CACNB4: variants seen among roughly 807,000 people sequenced by gnomAD.
CACNB4 encodes the protein voltage-dependent L-type calcium channel subunit beta-4.
Under a neutral mutation model 71.2 loss-of-function variants are expected in CACNB4, and 32 were observed. That is an observed-to-expected ratio of 0.45 (90% CI 0.34 to 0.60). The LOEUF (loss-of-function observed/expected upper bound fraction) is 0.60, where lower values mean the gene tolerates loss of function less well. CACNB4 is among the 20% of genes least tolerant of loss of function. The pLI is 0.01. For synonymous variants in CACNB4, 231 were observed against 236.9 expected (o/e 0.97, Z 0.23); for missense variants, 464 against 647.9 (o/e 0.72, Z 3.08).
At chr2:151,845,994 A>G (rs1039217365) in intron 12 of CACNB4, among the ~76,000 whole-genome samples, 1 of 152,264 alleles carries the variant, frequency 6.6e-6, no homozygotes, top group East Asian at 1.9e-4. Flanking sequence ...GAAAGCTAAA[A>G]TGGCAGAGAA....
chr2:151,884,541 A>G (rs2099848839), intron 2 of CACNB4, among the ~76,000 whole-genome samples: 1 of 147,418 alleles, frequency 6.8e-6, no homozygotes, highest in Non-Finnish European at 1.5e-5. Flanking sequence ...AGGCTGAGGC[A>G]GGAGAATGGC....
intron 2 of CACNB4, among the ~76,000 whole-genome samples, chr2:152,013,385 C>T (rs1683167925): frequency 6.6e-6 from 1 of 152,118 alleles, no homozygotes; most frequent in Non-Finnish European, 1.5e-5. Flanking sequence ...TCTTTGTCAG[C>T]ACTTCAAGGA....
chr2:152,069,435 T>C (rs529317574), intron 2 of CACNB4, among the ~76,000 whole-genome samples: 3 of 151,396 alleles, frequency 2.0e-5, no homozygotes, highest in Non-Finnish European at 4.4e-5. Context: ...GATAAGAGCA[T>C]CATCACCAGA....
intron 2 of CACNB4, among the ~76,000 whole-genome samples, chr2:152,017,259 T>C (rs2105100580): frequency 6.7e-6 from 1 of 150,258 alleles, no homozygotes; most frequent in East Asian, 1.9e-4. Context: ...TGCACCTGCA[T>C]TTTAACAGCA....
intron 6 of CACNB4, chr2:151,871,945 T>C (rs982152503): frequency 1.8e-5 from 3 of 165,052 alleles, no homozygotes; most frequent in African/African-American, 7.2e-5. Context: ...GCTGTCCAAA[T>C]GTAAACGAGG....
intron 2 of CACNB4, among the ~76,000 whole-genome samples, chr2:151,887,173 A>T (rs2099849570): frequency 6.6e-6 from 1 of 152,236 alleles, no homozygotes; most frequent in South Asian, 2.1e-4. Flanking sequence ...AGCTGAAAAG[A>T]CCTGATGGAA....
At position 151,853,529 on chromosome 2, in the gene CACNB4, C is replaced by A; in HGVS notation, c.1035G>T (p.Leu345Phe). The change falls in exon 12 of 14, where the codon TTG becomes TTT. Residue 345 changes from leucine (L) to phenylalanine (F), a missense_variant. This residue lies in a region of CACNB4 where 299 missense variants were observed against 471.7 expected (regional missense o/e 0.63). Transcript: ENST00000539935. ...TTTGTGACTTTCCTCTAGATTTAAT[C>A]AACCGCTGTAAAACCTGATAGAAGA... The part of the protein sequence containing the change: ...KVSSPKVLQR[L>F]IKSRGKSQSK... 1 of 1,589,772 alleles carries A rather than the reference C, an allele frequency of 6.3e-7. No individual in the cohort carries two copies. The highest frequency in any genetic ancestry group is 1.2e-5 in the South Asian group (1 of 86,154).
intron 2 of CACNB4, among the ~76,000 whole-genome samples, chr2:151,917,464 G>A (rs13404187): frequency 1.3e-5 from 2 of 152,148 alleles, no homozygotes; most frequent in Admixed American, 1.3e-4. Flanking sequence ...TCCACATAAA[G>A]AGCTCCGCAC....
In CACNB4 at chr2:152,046,073, G is replaced by A. The variant is rs530859389; in HGVS notation, c.147+52257C>T. Among the ~76,000 whole-genome samples, 3 of 152,168 alleles carry A rather than the reference G, an allele frequency of 2.0e-5. No individual in the cohort carries two copies. The East Asian group carries it at 5.8e-4, about 29-fold the overall frequency. On this transcript the variant is annotated intron_variant, in intron 2 of 13. Transcript: ENST00000539935. Reference sequence around the variant, plus strand: ...AAGAGAAAAATAAATTGATCATATAGAAATAAAATCAACATTAGTTAGCTT... The same window carrying A: ...AAGAGAAAAATAAATTGATCATATAAAAATAAAATCAACATTAGTTAGCTT...
intron 2 of CACNB4, among the ~76,000 whole-genome samples, chr2:151,956,605 T>C (rs543619637): frequency 5.3e-5 from 8 of 152,208 alleles, no homozygotes; most frequent in Non-Finnish European, 8.8e-5. Context: ...GTCGTGGTGA[T>C]GATTGTAGTT....
chr2:151,922,992 C>T (rs2099859342), intron 2 of CACNB4, among the ~76,000 whole-genome samples: 1 of 152,176 alleles, frequency 6.6e-6, no homozygotes, highest in African/African-American at 2.4e-5. Context: ...GAACTGTGCT[C>T]ACTCCCTGCC....
At chr2:151,984,690 T>C (rs1353470237) in intron 2 of CACNB4, among the ~76,000 whole-genome samples, 3 of 152,178 alleles carry the variant, frequency 2.0e-5, no homozygotes, top group Admixed American at 6.5e-5. Flanking sequence ...ACTTGATGAA[T>C]ATAAACAAAT....
At chr2:151,964,005 G>T (rs1023642601) in intron 2 of CACNB4, among the ~76,000 whole-genome samples, 1 of 143,250 alleles carries the variant, frequency 7.0e-6, no homozygotes, top group African/African-American at 2.6e-5. Context: ...GGAGACGGAG[G>T]TTGCAGCGAG....
rs533631968 is a variant in CACNB4 at position 151,993,817 on chromosome 2, C to T, written c.147+104513G>A. 1.3e-4 allele frequency among the ~76,000 whole-genome samples: 19 copies of T among 151,412 alleles called. 1 individual carries two copies. In the South Asian group the frequency reaches 4.0e-3, roughly 32 times the overall value. ...TGACCTTGTGATCCGCCCACCTCGG[C>T]CTCCCAAAGTGCTGGGATTACAGGC... On this transcript the variant is annotated intron_variant, in intron 2 of 13. Coordinates refer to ENST00000539935, the MANE Select transcript of CACNB4 (RefSeq NM_000726.5).
intron 2 of CACNB4, among the ~76,000 whole-genome samples, chr2:152,056,573 C>T (rs951794684): frequency 1.3e-5 from 2 of 152,120 alleles, no homozygotes; most frequent in African/African-American, 4.8e-5. Context: ...AGACATGCCA[C>T]CCCCTAGTGA....
At chr2:151,968,420 A>G (rs963484986) in intron 2 of CACNB4, 1 of 152,230 alleles carries the variant, frequency 6.6e-6, no homozygotes, top group African/African-American at 2.4e-5. Context: ...TCATGGCTTC[A>G]TGATTATTTT....
At chr2:151,907,559 C>A (rs1206880770) in intron 2 of CACNB4, among the ~76,000 whole-genome samples, 2 of 152,184 alleles carry the variant, frequency 1.3e-5, no homozygotes, top group African/African-American at 4.8e-5. Context: ...AATAAAACGC[C>A]AGTCTTTATC....
intron 2 of CACNB4, among the ~76,000 whole-genome samples, chr2:152,089,459 AG>A (rs548556776): frequency 6.6e-6 from 1 of 152,228 alleles, no homozygotes; most frequent in Non-Finnish European, 1.5e-5. Flanking sequence ...AAAACAGTCC[AG>A]AAGCTCAGCC....
At chr2:151,875,526 G>T (rs1481654430) in intron 5 of CACNB4, among the ~76,000 whole-genome samples, 2 of 151,654 alleles carry the variant, frequency 1.3e-5, no homozygotes, top group Non-Finnish European at 2.9e-5. Context: ...CCCAGACGGG[G>T]TGGTGGCCGG....
Sources: allele counts gnomAD v4.1 joint callset (sites outside exome capture counted in the v4.1 genomes callset), GRCh38; gene constraint gnomAD v4.1.1; regional missense constraint gnomAD v4.1.1; transcripts MANE v1.5; gene names NCBI Gene and HGNC (gene_info 2026-07-23, HGNC 2026-07-21).